Variants in BICC1 observed in about 807,000 individuals in gnomAD.
BICC1 encodes BicC family RNA binding protein 1, also known as protein bicaudal C homolog 1.
A neutral mutation model predicts 111.0 loss-of-function variants in BICC1; 43 were observed. The ratio of observed to expected loss-of-function variants is 0.39; its 90% confidence interval spans 0.30 to 0.50. BICC1 has a LOEUF of 0.50. Among genes scored for constraint, BICC1 ranks in the 20% least tolerant of loss-of-function variants. The pLI is 0.88. For synonymous variants in BICC1, 467 were observed against 434.4 expected (o/e 1.07, Z -0.93); for missense variants, 1,091 against 1,203.2 (o/e 0.91, Z 1.38).
chr10:58,772,481 A>G (rs993042241), intron 3 of BICC1, among the ~76,000 whole-genome samples: 1 of 152,242 alleles, frequency 6.6e-6, no homozygotes, highest in East Asian at 1.9e-4. Flanking sequence ...ATTAAAAAAT[A>G]TAATTGTTGA....
At chr10:58,701,985 T>A in intron 2 of BICC1, 89 bp from the exon 3 acceptor site, 2 of 986,606 alleles carry the variant, frequency 2.0e-6, no homozygotes, top group South Asian at 3.1e-5. Context: ...ACTTAGGAAC[T>A]TGAAAATAAA....
Position 58,775,377 on chromosome 10 carries a change from AAAAAAC to A in BICC1, c.308-9618_308-9613del, listed in dbSNP as rs1490024974. On this transcript the variant is annotated intron_variant, in intron 3 of 20. Coordinates refer to ENST00000373886, the MANE Select transcript of BICC1 (RefSeq NM_001080512.3). ...TGACAGAGCGAGACTCTGTCTCAAA[AAAAAAC>A]AAAAAACAAAAAACAAAAAAAAACA... Among the ~76,000 whole-genome samples, 343 of 151,872 alleles carry A rather than the reference AAAAAAC, an allele frequency of 2.3e-3. 2 individuals are homozygous for A. The highest frequency in any genetic ancestry group is 8.0e-3 in the African/African-American group (330 of 41,336).
chr10:58,812,774 G>A (rs1218481080), intron 17 of BICC1, among the ~76,000 whole-genome samples: 5 of 152,056 alleles, frequency 3.3e-5, no homozygotes, highest in Admixed American at 1.3e-4. Context: ...CACTGCACCC[G>A]GCCTATGATT....
chr10:58,517,893 T>G (rs1842283754), intron 1 of BICC1, among the ~76,000 whole-genome samples: 1 of 152,248 alleles, frequency 6.6e-6, no homozygotes, highest in Non-Finnish European at 1.5e-5. Context: ...ATGTATAAAA[T>G]GCACTTTCTT....
chr10:58,740,792 G>C (rs1164015313), intron 3 of BICC1, among the ~76,000 whole-genome samples: 4 of 152,182 alleles, frequency 2.6e-5, no homozygotes, highest in African/African-American at 9.6e-5. Flanking sequence ...CTTGAAGGAT[G>C]AATTGTTCGC....
chr10:58,788,307 A>G, intron 5 of BICC1, 63 bp from the exon 6 acceptor site: 2 of 1,233,864 alleles, frequency 1.6e-6, no homozygotes, highest in Non-Finnish European at 2.4e-6. Context: ...ATATAGATGA[A>G]CTGGAAAAGA....
chr10:58,791,072 G>A (rs1259545716), intron 8 of BICC1, among the ~76,000 whole-genome samples: 1 of 152,102 alleles, frequency 6.6e-6, no homozygotes, highest in Admixed American at 6.6e-5. Context: ...TGACAGACAA[G>A]AACTTGTTGG....
intron 1 of BICC1, among the ~76,000 whole-genome samples, chr10:58,572,960 A>G (rs1447945448): frequency 6.6e-6 from 1 of 152,172 alleles, no homozygotes; most frequent in Non-Finnish European, 1.5e-5. Context: ...ATTCTGTCAT[A>G]TAGGTATTTT....
intron 1 of BICC1, among the ~76,000 whole-genome samples, chr10:58,516,870 G>A (rs1241550785): frequency 6.6e-6 from 1 of 152,070 alleles, no homozygotes; most frequent in Non-Finnish European, 1.5e-5. Flanking sequence ...GGGAGGAAAG[G>A]GAGGAGAGTG....
chr10:58,753,484 T>C lies in BICC1; in HGVS notation c.308-31517T>C, dbSNP rs7085010. On this transcript the variant is annotated intron_variant, in intron 3 of 20. Transcript: ENST00000373886. ...ACGCCTGGTCAGTTTACCTTTCTTA[T>C]GTAGACCTTTGATCCATCTGGAATA... Among the ~76,000 whole-genome samples the C allele has an allele frequency of 9.6e-3, 1,456 of 152,286 alleles. 32 individuals carry two copies. Among genetic ancestry groups the C allele is most frequent in the African/African-American group, 0.033 (1,364 of 41,576 alleles).
At chr10:58,704,890 G>A (rs10740757) in intron 3 of BICC1, among the ~76,000 whole-genome samples, 151,969 of 152,360 alleles carry the variant, frequency 1, 75,790 homozygotes, top group Middle Eastern at 1. Context: ...TTTCGTGGTC[G>A]CTGTTACCAC....
intron 17 of BICC1, among the ~76,000 whole-genome samples, chr10:58,807,656 T>TC (rs1843750486): frequency 6.6e-6 from 1 of 152,184 alleles, no homozygotes; most frequent in African/African-American, 2.4e-5. Context: ...TTTTTATGTT[T>TC]CCCAGATGTT....
chr10:58,532,235 C>T lies in BICC1; in HGVS notation c.190+18902C>T, dbSNP rs117841331. 4.0e-5 allele frequency among the ~76,000 whole-genome samples: 6 copies of T among 151,072 alleles called. No individual in the cohort carries two copies. The East Asian group carries it at 7.9e-4, about 20-fold the overall frequency. The stretch of plus-strand genomic sequence containing the variant: ...ATCACACATTTCTCAGTGGAAGCAT[C>T]GCAGGACAGAGTGGAATGAGATTAT... On this transcript the variant is annotated intron_variant, in intron 1 of 20. Coordinates refer to ENST00000373886, the MANE Select transcript of BICC1 (RefSeq NM_001080512.3).
At chr10:58,649,148 G>A (rs1838362931) in intron 2 of BICC1, among the ~76,000 whole-genome samples, 1 of 152,210 alleles carries the variant, frequency 6.6e-6, no homozygotes, top group Non-Finnish European at 1.5e-5. Context: ...AAGGCGAGTA[G>A]ATGATCTCTT....
intron 1 of BICC1, among the ~76,000 whole-genome samples, chr10:58,586,276 G>A (rs1365668859): frequency 6.6e-6 from 1 of 152,050 alleles, no homozygotes; most frequent in Non-Finnish European, 1.5e-5. Flanking sequence ...AAGATTGAGG[G>A]ATTGGTGGGT....
intron 1 of BICC1, among the ~76,000 whole-genome samples, chr10:58,572,737 A>G (rs1843997817): frequency 6.6e-6 from 1 of 152,162 alleles, no homozygotes; most frequent in African/African-American, 2.4e-5. Flanking sequence ...GAACAATGCT[A>G]GAATGATAAA....
intron 13 of BICC1, 121 bp downstream of exon 13, chr10:58,800,447 C>T: frequency 1.1e-6 from 1 of 901,418 alleles, no homozygotes; most frequent in Non-Finnish European, 1.6e-6. Context: ...CATCCTACCT[C>T]AATTATGTGG....
chr10:58,685,290 C>A (rs888114499), intron 2 of BICC1, among the ~76,000 whole-genome samples: 1 of 152,132 alleles, frequency 6.6e-6, no homozygotes, highest in Non-Finnish European at 1.5e-5. Context: ...TTACTTCCAA[C>A]TGTGTGGTCA....
intron 3 of BICC1, among the ~76,000 whole-genome samples, chr10:58,724,395 A>G (rs1423044547): frequency 6.6e-6 from 1 of 151,872 alleles, no homozygotes; most frequent in Admixed American, 6.6e-5. Context: ...GTGTGTGTAT[A>G]TGTGTGTATG....
Sources: allele counts gnomAD v4.1 joint callset (sites outside exome capture counted in the v4.1 genomes callset), GRCh38; gene constraint gnomAD v4.1.1; transcripts MANE v1.5; gene names NCBI Gene and HGNC (gene_info 2026-07-23, HGNC 2026-07-21).